Variants in PRH1 observed in about 807,000 individuals in gnomAD.
PRH1 encodes the protein proline rich protein HaeIII subfamily 1.
A neutral mutation model predicts 7.9 loss-of-function variants in PRH1; 7 were observed. The observed-to-expected ratio is 0.89, with a 90% CI of 0.50 to 1.67. The LOEUF is 1.67. PRH1 is among the 40% of genes most tolerant of loss of function. The pLI, the probability that PRH1 is intolerant of heterozygous loss-of-function variation, is 0.00. For missense variants in PRH1, 109 were observed against 223.6 expected (o/e 0.49, Z 3.27); for synonymous variants, 45 against 80.8 (o/e 0.56, Z 2.38).
chr12:11,021,073 T>C (rs556796803), intron 1 of PRH1, among the ~76,000 whole-genome samples: 7 of 151,892 alleles, frequency 4.6e-5, no homozygotes, highest in African/African-American at 1.7e-4. Flanking sequence ...TGTTTTGGTA[T>C]ACATATACAA....
At chr12:11,051,390 G>GAAT (rs1191804531), upstream of PRH1, among the ~76,000 whole-genome samples, 3 of 152,102 alleles carry the variant, frequency 2.0e-5, no homozygotes, top group Non-Finnish European at 4.4e-5. Context: ...ATAATGAGCA[G>GAAT]AGTAATAATA....
At chr12:11,140,570 C>T (rs962212423) in intron 1 of PRH1, among the ~76,000 whole-genome samples, 9 of 152,098 alleles carry the variant, frequency 5.9e-5, no homozygotes, top group African/African-American at 1.9e-4. Context: ...GAAATCAATG[C>T]TGTCTTTATG....
At chr12:10,922,367 G>T (rs909790446) in intron 2 of PRH1, among the ~76,000 whole-genome samples, 3 of 152,166 alleles carry the variant, frequency 2.0e-5, no homozygotes, top group South Asian at 4.1e-4. Flanking sequence ...AAGCTTTTTC[G>T]TTGCTGAGTT....
intron 1 of PRH1, among the ~76,000 whole-genome samples, chr12:11,086,112 C>CCCA (rs1555161553): frequency 4.6e-5 from 4 of 86,314 alleles, no homozygotes; most frequent in African/African-American, 1.9e-4. Flanking sequence ...ATTCCCCCCC[C>CCCA]CACACACACA....
chr12:11,092,617 C>CGT (rs1304284958), intron 1 of PRH1, among the ~76,000 whole-genome samples: 2 of 109,870 alleles, frequency 1.8e-5, no homozygotes, highest in African/African-American at 6.0e-5. Flanking sequence ...GTGCATTTTA[C>CGT]AATCCTCTTG....
chr12:11,171,556 A>G (rs1284016204), upstream of PRH1: 2 of 1,231,968 alleles, frequency 1.6e-6, no homozygotes, highest in Admixed American at 4.2e-5. Context: ...TTGCAGGTAC[A>G]TATTTAGAGC....
chr12:10,935,729 C>T (rs1339188777), intron 2 of PRH1, among the ~76,000 whole-genome samples: 2 of 151,960 alleles, frequency 1.3e-5, no homozygotes, highest in Non-Finnish European at 2.9e-5. Flanking sequence ...GAGTTAAATC[C>T]CAATATATTC....
chr12:11,080,385 T>C (rs1944460432), intron 1 of PRH1, among the ~76,000 whole-genome samples: 1 of 116,582 alleles, frequency 8.6e-6, no homozygotes, highest in Non-Finnish European at 2.0e-5. Flanking sequence ...CCTTATTTGA[T>C]ATATATTTAG....
At chr12:11,069,917 T>G (rs1591945932) in intron 1 of PRH1, among the ~76,000 whole-genome samples, 1 of 151,324 alleles carries the variant, frequency 6.6e-6, no homozygotes, top group African/African-American at 2.4e-5. Context: ...AATGTATTTA[T>G]ATGATGCTTT....
chr12:11,152,873 A>G lies in PRH1; in HGVS notation n.39+18549T>C, dbSNP rs145571921. Among the ~76,000 whole-genome samples the G allele has an allele frequency of 5.3e-3, 812 of 152,296 alleles. 15 individuals are homozygous for G. The highest frequency in any genetic ancestry group is 0.019 in the African/African-American group (770 of 41,562). On this transcript the variant is annotated intron_variant and non_coding_transcript_variant, in intron 1 of 1. Coordinates refer to the PRH1 transcript ENST00000541175. ...TGAGAATAGCCACAGCTACACTTCAAGTACAGCTGCCCCTTCTGCCTGAGA... is the reference window on the plus strand; with the variant it reads ...TGAGAATAGCCACAGCTACACTTCAGGTACAGCTGCCCCTTCTGCCTGAGA...
intron 1 of PRH1, among the ~76,000 whole-genome samples, chr12:11,123,313 T>C (rs1945978975): frequency 1.3e-5 from 2 of 152,266 alleles, no homozygotes; most frequent in Admixed American, 1.3e-4. Flanking sequence ...TATCATTTGC[T>C]ACAATTCCTT....
chr12:11,005,856 T>C (rs1940804537), intron 1 of PRH1: 1 of 152,170 alleles, frequency 6.6e-6, no homozygotes, highest in Non-Finnish European at 1.5e-5. Flanking sequence ...AATTGTTTAA[T>C]TAAAATATTC....
At chr12:10,919,894 A>C (rs1028554190) in intron 2 of PRH1, among the ~76,000 whole-genome samples, 1 of 139,500 alleles carries the variant, frequency 7.2e-6, no homozygotes, top group Non-Finnish European at 1.5e-5. Context: ...AATATTAAAA[A>C]AATTTTTTTA....
chr12:10,962,798 C>A (rs1938302830), intron 2 of PRH1, among the ~76,000 whole-genome samples: 2 of 152,224 alleles, frequency 1.3e-5, no homozygotes, highest in Admixed American at 1.3e-4. Context: ...GAGACGGAGT[C>A]TCGCTCTGTC....
chr12:10,995,569 A>T (rs1199135215), intron 1 of PRH1, among the ~76,000 whole-genome samples: 1 of 152,128 alleles, frequency 6.6e-6, no homozygotes, highest in Non-Finnish European at 1.5e-5. Context: ...CCTATCATTA[A>T]TATATAGATT....
At chr12:11,109,521 G>A (rs1179882978) in intron 1 of PRH1, among the ~76,000 whole-genome samples, 1 of 152,152 alleles carries the variant, frequency 6.6e-6, no homozygotes, top group Non-Finnish European at 1.5e-5. Flanking sequence ...TGATACCCAG[G>A]CAAACAAGGT....
intron 1 of PRH1, chr12:11,133,454 C>T (rs1946435146): frequency 6.2e-7 from 1 of 1,614,014 alleles, no homozygotes; most frequent in Non-Finnish European, 8.5e-7. Context: ...AATAGCTTGG[C>T]AGAACATGAA....
chr12:11,147,463 C>G (rs1404733415), intron 1 of PRH1, among the ~76,000 whole-genome samples: 16 of 152,182 alleles, frequency 1.1e-4, no homozygotes, highest in Non-Finnish European at 4.4e-5. Flanking sequence ...GCTGGGATTA[C>G]AGACATGAGC....
At chr12:10,978,132 A>AACAAGCTGG in intron 1 of PRH1, among the ~76,000 whole-genome samples, 1 of 152,246 alleles carries the variant, frequency 6.6e-6, no homozygotes, top group Non-Finnish European at 1.5e-5. Flanking sequence ...AAGGAAAAAG[A>AACAAGCTGG]ACAAGCTGGA....
Sources: allele counts gnomAD v4.1 joint callset (sites outside exome capture counted in the v4.1 genomes callset), GRCh38; gene constraint gnomAD v4.1.1; transcripts MANE v1.5; gene names NCBI Gene and HGNC (gene_info 2026-07-23, HGNC 2026-07-21).